The following UBQLN4 variants were observed in gnomAD, a reference collection of about 807,000 sequenced individuals.
UBQLN4 encodes ubiquilin 4, also known as ubiquilin-4.
Under a neutral mutation model 60.4 loss-of-function variants are expected in UBQLN4, and 11 were observed. The observed-to-expected ratio is 0.18, with a 90% CI of 0.11 to 0.30. UBQLN4 has a LOEUF of 0.30. Ranked by LOEUF, UBQLN4 falls within the 10% of genes least tolerant of loss-of-function variation. The probability of loss-of-function intolerance (pLI) is 1.00; values close to 1 mark genes in which losing one functional copy is unlikely to be tolerated. For missense variants in UBQLN4, 417 were observed against 795.5 expected (o/e 0.52, Z 5.72); for synonymous variants, 258 against 313.1 (o/e 0.82, Z 1.86).
intron 5 of UBQLN4, 104 bp from the exon 6 acceptor site, chr1:156,044,327 G>A: frequency 9.4e-7 from 1 of 1,059,928 alleles, no homozygotes; most frequent in Non-Finnish European, 1.4e-6. Context: ...CCCCAGAAAA[G>A]GGAGAGAGAT....
At chr1:156,039,245 C>CTTT (rs34866268) in intron 10 of UBQLN4, among the ~76,000 whole-genome samples, 31 of 82,500 alleles carry the variant, frequency 3.8e-4, no homozygotes, top group African/African-American at 6.2e-4. Flanking sequence ...CCTGGCCTGG[C>CTTT]TTTTTTTTTT....
Position 156,046,545 on chromosome 1 carries a change from T to TA in UBQLN4, c.900+1955dup, listed in dbSNP as rs59598606. On this transcript the variant is annotated intron_variant, in intron 5 of 10. Transcript: ENST00000368309. ...CACAAAACATTTTTAAAGGTTGTAT[T>TA]AAAAAAAAAAAAAGCAGCCAAGTGC... Among the ~76,000 whole-genome samples the TA allele has an allele frequency of 1.9e-3, 244 of 129,846 alleles. 1 individual carries two copies. Among genetic ancestry groups the TA allele is most frequent in the Middle Eastern group, 4.5e-3 (1 of 222 alleles). The allele number at this position is 129,846 out of a possible 152,430, so 85.2% of individuals were successfully genotyped here.
At chr1:156,043,488 A>C (rs1445449688) in intron 6 of UBQLN4, among the ~76,000 whole-genome samples, 3 of 152,218 alleles carry the variant, frequency 2.0e-5, no homozygotes, top group Non-Finnish European at 2.9e-5. Flanking sequence ...AACTTTCCCA[A>C]TCAAGATATC....
chr1:156,031,560 T>G (rs1013604835), downstream of UBQLN4, among the ~76,000 whole-genome samples: 1 of 151,088 alleles, frequency 6.6e-6, no homozygotes, highest in Non-Finnish European at 1.5e-5. Context: ...TAAACGCACT[T>G]GGTATAGGAA....
At position 156,053,757 on chromosome 1, in the gene UBQLN4, C is replaced by T. The variant is rs1362265159; in HGVS notation, c.-56G>A. 1 of 1,148,352 alleles carries T rather than the reference C, an allele frequency of 8.7e-7. No individual in the cohort carries two copies. Among genetic ancestry groups the T allele is most frequent in the African/African-American group, 1.6e-5 (1 of 61,100 alleles). 71.1% of individuals were successfully genotyped at this position (1,148,352 alleles called of 1,614,324 possible). A position where few individuals can be genotyped will look rare whatever the true frequency, so the allele number is the denominator to read the frequency against. The stretch of plus-strand genomic sequence containing the variant: ...CCGCCCGGCTCCTCCTCCTCCCCGC[C>T]CGCCCGGCCGGCCCGGCTCGGCTTC... On this transcript the variant is annotated 5_prime_UTR_variant, in exon 1 of 11. Transcript: ENST00000368309.
chr1:156,041,326 C>T (rs1244425348), intron 10 of UBQLN4, among the ~76,000 whole-genome samples, 159 bp downstream of exon 10: 1 of 152,230 alleles, frequency 6.6e-6, no homozygotes, highest in Non-Finnish European at 1.5e-5. Context: ...TCTGCACAAA[C>T]TGAACTCAGG....
At chr1:156,047,233 A>G (rs982425975) in intron 5 of UBQLN4, among the ~76,000 whole-genome samples, 2 of 150,316 alleles carry the variant, frequency 1.3e-5, no homozygotes, top group Admixed American at 1.3e-4. Flanking sequence ...TACTTTGTGT[A>G]ACTTGTGAAT....
chr1:156,046,350 T>C (rs1232889064), intron 5 of UBQLN4, among the ~76,000 whole-genome samples: 7 of 115,388 alleles, frequency 6.1e-5, no homozygotes, highest in Non-Finnish European at 1.1e-4. Context: ...AAAAAAAAAA[T>C]AGCTGGGCAT....
At chr1:156,034,480 T>G (rs1011636848), downstream of UBQLN4, among the ~76,000 whole-genome samples, 2 of 151,714 alleles carry the variant, frequency 1.3e-5, no homozygotes, top group African/African-American at 4.8e-5. Flanking sequence ...GTATTTTTAG[T>G]AGAGACAGGG....
rs1283792284 is a variant in UBQLN4, at chr1:156,053,666, G to A, written c.36C>T (p.Pro12=). ...AEPSGAETRP[P]IRVTVKTPKD... is the part of the protein sequence containing the mutation. ...TGGGGGTCTTGACGGTGACCCGAAT[G>A]GGGGGCCTCGTCTCGGCCCCGCTCG... Residue 12 remains proline, a synonymous_variant, in exon 1 of 11, where the codon CCC becomes CCT. Coordinates refer to ENST00000368309, the MANE Select transcript of UBQLN4 (RefSeq NM_020131.5). 2 of 1,352,214 alleles carry A rather than the reference G, an allele frequency of 1.5e-6. No individual in the cohort carries two copies. Among genetic ancestry groups the A allele is most frequent in the Admixed American group, 2.9e-5 (1 of 34,434 alleles). 83.8% of individuals were successfully genotyped at this position (1,352,214 alleles called of 1,614,324 possible).
At chr1:156,047,385 A>G (rs572902936) in intron 5 of UBQLN4, among the ~76,000 whole-genome samples, 5 of 151,712 alleles carry the variant, frequency 3.3e-5, no homozygotes, top group Admixed American at 6.6e-5. Context: ...CTGGGACTAC[A>G]GGCATGTGCC....
intron 4 of UBQLN4, among the ~76,000 whole-genome samples, chr1:156,049,949 C>T (rs1026458111): frequency 1.3e-5 from 2 of 152,194 alleles, no homozygotes; most frequent in Non-Finnish European, 2.9e-5. Flanking sequence ...CCCCCTGGTT[C>T]GTCTTCCTCC....
At chr1:156,047,634 T>G (rs12758906) in intron 5 of UBQLN4, among the ~76,000 whole-genome samples, 8 of 151,200 alleles carry the variant, frequency 5.3e-5, no homozygotes, top group East Asian at 2.0e-4. Context: ...GGTGGCTCAC[T>G]CCTGTAATCT....
chr1:156,038,812 C>CT (rs536553162), intron 10 of UBQLN4, among the ~76,000 whole-genome samples: 104,455 of 133,098 alleles, frequency 0.78, 42,158 homozygotes, highest in East Asian at 0.96. Context: ...AGGTCTTCTT[C>CT]TTTTTTTTTT....
chr1:156,046,491 C>T (rs1013456656), intron 5 of UBQLN4, among the ~76,000 whole-genome samples: 3 of 148,098 alleles, frequency 2.0e-5, no homozygotes, highest in Non-Finnish European at 4.5e-5. Context: ...AGTGAAACTT[C>T]GTCTCAAAAA....
chr1:156,052,716 C>A (rs563178079), intron 1 of UBQLN4, among the ~76,000 whole-genome samples: 1 of 152,310 alleles, frequency 6.6e-6, no homozygotes, highest in Admixed American at 6.5e-5. Context: ...ACACCAAAGT[C>A]CAGGCTCTTA....
chr1:156,031,356 C>T (rs1319952982), downstream of UBQLN4, among the ~76,000 whole-genome samples: 1 of 151,984 alleles, frequency 6.6e-6, no homozygotes, highest in Non-Finnish European at 1.5e-5. Context: ...TACTATTTTC[C>T]CCATTTTTCA....
chr1:156,047,891 C>CA (rs749746724), intron 5 of UBQLN4, among the ~76,000 whole-genome samples: 417 of 39,018 alleles, frequency 0.011, no homozygotes, highest in East Asian at 0.039. Context: ...GACTCCATCT[C>CA]AAAAAAAAAA....
Position 156,044,097 on chromosome 1 carries a change from G to C in UBQLN4, c.1027C>G (p.Pro343Ala). ...CCGGTGCCCTCCCCACCGGACCCGGGGGCCTGGGAGGTGGGGGGCGAGGGG... is the reference window on the plus strand; with the variant it reads ...CCGGTGCCCTCCCCACCGGACCCGGCGGCCTGGGAGGTGGGGGGCGAGGGG... ...WSPSPPTSQAPGSGGEGTGGS... is the reference protein window; with the variant it reads ...WSPSPPTSQAAGSGGEGTGGS... Residue 343 changes from proline (P) to alanine (A), a missense_variant, in exon 6 of 11, where the codon CCC becomes GCC. By Grantham distance (27) the Pro-to-Ala change is conservative (BLOSUM62 -1). Coordinates refer to ENST00000368309, the MANE Select transcript of UBQLN4 (RefSeq NM_020131.5). 4 of 1,590,648 alleles carry C rather than the reference G, an allele frequency of 2.5e-6. No individual in the cohort carries two copies. Among genetic ancestry groups the C allele is most frequent in the Non-Finnish European group, 2.6e-6 (3 of 1,168,766 alleles).
Sources: allele counts gnomAD v4.1 joint callset (sites outside exome capture counted in the v4.1 genomes callset), GRCh38; gene constraint gnomAD v4.1.1; transcripts MANE v1.5; gene names NCBI Gene and HGNC (gene_info 2026-07-23, HGNC 2026-07-21).